ENOX2: variants seen among roughly 807,000 people sequenced by gnomAD.
ENOX2 encodes APK1 antigen.
Under a neutral mutation model 45.0 loss-of-function variants are expected in ENOX2, and 36 were observed. The ratio of observed to expected loss-of-function variants is 0.80; its 90% CI spans 0.61 to 1.06. The LOEUF (loss-of-function observed/expected upper bound fraction) is 1.06, where lower values mean the gene tolerates loss of function less well. ENOX2 is among the 50% of genes least tolerant of loss of function. The pLI, the probability that ENOX2 is intolerant of heterozygous loss-of-function variation, is 0.00. For synonymous variants in ENOX2, 174 were observed against 152.3 expected, an observed-to-expected ratio of 1.14 and a Z score of -1.05; for missense variants, 423 against 462.5, an observed-to-expected ratio of 0.91 and a Z score of 0.78.
intron 2 of ENOX2, among the ~76,000 whole-genome samples, chrX:130,894,793 G>A (rs2079035139): frequency 9.0e-6 from 1 of 111,109 alleles, no homozygotes; most frequent in African/African-American, 3.3e-5. Context: ...CCTTTCCCAT[G>A]CTTTCAGTGG....
intron 6 of ENOX2, among the ~76,000 whole-genome samples, chrX:130,670,746 G>A (rs1025140835): frequency 9.2e-6 from 1 of 108,906 alleles, no homozygotes; most frequent in African/African-American, 3.4e-5. Flanking sequence ...AAAAAAGATG[G>A]GGAGTGATGT....
chrX:130,895,651 T>C (rs1250194221), intron 2 of ENOX2, among the ~76,000 whole-genome samples: 1 of 112,187 alleles, frequency 8.9e-6, no homozygotes, highest in Admixed American at 9.4e-5. Flanking sequence ...CACCTATCGT[T>C]ATTATGCTAA....
chrX:130,820,363 T>A (rs148410083), intron 2 of ENOX2, among the ~76,000 whole-genome samples: 1,389 of 112,167 alleles, frequency 0.012, 17 homozygotes, highest in Non-Finnish European at 0.019. Flanking sequence ...TTGTTGGTGG[T>A]AATATAAATT....
chrX:130,631,804 A>C (rs2035736594), intron 12 of ENOX2, among the ~76,000 whole-genome samples: 1 of 106,053 alleles, frequency 9.4e-6, no homozygotes, highest in Non-Finnish European at 1.9e-5. Context: ...TACCTTCACC[A>C]GTTTTTTTTT....
intron 3 of ENOX2, among the ~76,000 whole-genome samples, chrX:130,727,427 T>C (rs1014136442): frequency 8.9e-6 from 1 of 111,955 alleles, no homozygotes; most frequent in Non-Finnish European, 1.9e-5. Flanking sequence ...TTATCTCCAA[T>C]TACAGTTGAA....
At chrX:130,643,954 A>T in intron 10 of ENOX2, among the ~76,000 whole-genome samples, 1 of 112,028 alleles carries the variant, frequency 8.9e-6, no homozygotes, top group Non-Finnish European at 1.9e-5. Flanking sequence ...GCACACCTTA[A>T]AAAGTAAAAG....
rs184982907 is a variant in ENOX2, at chrX:130,703,808, G to C, written c.-38-554C>G. On this transcript the variant is annotated intron_variant, in intron 3 of 14. Transcript: ENST00000394363. Reference sequence around the variant, plus strand: ...AATTAGCTGAATGACAATTTTGGGGGTTAGGGGAACAATGAGAAAAAGCAG... The same window carrying C: ...AATTAGCTGAATGACAATTTTGGGGCTTAGGGGAACAATGAGAAAAAGCAG... 4.3e-3 allele frequency among the ~76,000 whole-genome samples: 484 copies of C among 111,422 alleles called. 7 individuals carry two copies. Among genetic ancestry groups the C allele is most frequent in the African/African-American group, 0.015 (451 of 30,689 alleles).
At chrX:130,791,602 T>C (rs570138720) in intron 2 of ENOX2, among the ~76,000 whole-genome samples, 1 of 112,024 alleles carries the variant, frequency 8.9e-6, no homozygotes, top group South Asian at 3.8e-4. Flanking sequence ...AACGCGCTTA[T>C]CAGATTGTAA....
chrX:130,724,392 C>A, intron 3 of ENOX2, among the ~76,000 whole-genome samples: 1 of 112,619 alleles, frequency 8.9e-6, no homozygotes, highest in African/African-American at 3.2e-5. Context: ...GCCTGGGAGA[C>A]CCTCTTGCTG....
In ENOX2 at chrX:130,703,257, G is replaced by A. The variant is rs1011653664; in HGVS notation, c.-38-3C>T. ...GTTCAGAGTTCTACTGTTATCGGCT[G>A]AAAAGAAATGACAAGCAAAATAATT... is the stretch of plus-strand genomic sequence containing the variant. On this transcript the variant is annotated splice_region_variant and splice_polypyrimidine_tract_variant and intron_variant, in intron 3 of 14. Transcript: ENST00000394363. 3 of 1,181,224 alleles carry A rather than the reference G, an allele frequency of 2.5e-6. No homozygotes were observed. The highest frequency in any genetic ancestry group is 3.1e-5 in the East Asian group (1 of 32,695).
At chrX:130,867,129 T>C (rs1266823716) in intron 2 of ENOX2, among the ~76,000 whole-genome samples, 1 of 111,613 alleles carries the variant, frequency 9.0e-6, no homozygotes, top group Non-Finnish European at 1.9e-5. Flanking sequence ...ATGAGAATAA[T>C]GGCATTGTTT....
intron 3 of ENOX2, among the ~76,000 whole-genome samples, chrX:130,728,853 CT>C (rs2148288713): frequency 9.0e-6 from 1 of 111,352 alleles, no homozygotes; most frequent in South Asian, 3.9e-4. Flanking sequence ...TAAAAGATGA[CT>C]TCTCTGTCTT....
intron 2 of ENOX2, among the ~76,000 whole-genome samples, chrX:130,873,865 AG>A (rs1267701050): frequency 9.4e-6 from 1 of 105,920 alleles, no homozygotes. Flanking sequence ...GGACACAGGG[AG>A]GGGAACATCA....
At chrX:130,758,892 C>T (rs2039410741) in intron 3 of ENOX2, among the ~76,000 whole-genome samples, 1 of 111,414 alleles carries the variant, frequency 9.0e-6, no homozygotes, top group Non-Finnish European at 1.9e-5. Context: ...TGTCTTTTTT[C>T]AATTTTCTAA....
intron 10 of ENOX2, among the ~76,000 whole-genome samples, chrX:130,646,740 A>G (rs1286355573): frequency 8.9e-6 from 1 of 112,262 alleles, no homozygotes; most frequent in Non-Finnish European, 1.9e-5. Flanking sequence ...GTAGTGGGAA[A>G]ATTATAATGT....
At chrX:130,845,928 C>T (rs896891716) in intron 2 of ENOX2, among the ~76,000 whole-genome samples, 1 of 112,446 alleles carries the variant, frequency 8.9e-6, no homozygotes, top group Non-Finnish European at 1.9e-5. Context: ...ACTTTCACAA[C>T]GTGCATTGTG....
chrX:130,766,172 A>G (rs2039612035), intron 3 of ENOX2, among the ~76,000 whole-genome samples: 1 of 111,303 alleles, frequency 9.0e-6, no homozygotes, highest in Admixed American at 9.6e-5. Flanking sequence ...AAGATATCTT[A>G]TGTGATTTGA....
chrX:130,805,083 A>G (rs1039151793), intron 2 of ENOX2, among the ~76,000 whole-genome samples: 3 of 111,688 alleles, frequency 2.7e-5, no homozygotes, highest in African/African-American at 9.8e-5. Flanking sequence ...GAAAGCCCTC[A>G]CCAGATGCCA....
intron 2 of ENOX2, among the ~76,000 whole-genome samples, chrX:130,859,330 T>A (rs1422871124): frequency 4.5e-5 from 5 of 111,212 alleles, no homozygotes; most frequent in Non-Finnish European, 9.4e-5. Context: ...AGACTCTGTC[T>A]CAAAAACAAA....
Sources: gnomAD v4.1 joint callset for allele counts (sites outside exome capture counted in the v4.1 genomes callset) on GRCh38, gnomAD v4.1.1 for gene constraint, MANE v1.5 for transcripts, NCBI Gene and HGNC (gene_info 2026-07-23, HGNC 2026-07-21) for gene names.